The following CLYBL variants were observed in gnomAD, a reference collection of about 807,000 sequenced individuals.
CLYBL encodes the protein citramalyl-CoA lyase, mitochondrial.
A neutral mutation model predicts 38.9 loss-of-function variants in CLYBL; 31 were observed. The observed-to-expected ratio is 0.80, with a 90% confidence interval of 0.60 to 1.08. The LOEUF (loss-of-function observed/expected upper bound fraction) is 1.08. Ranked by LOEUF, CLYBL falls within the 50% of genes least tolerant of loss-of-function variation. The pLI is 0.00. For missense variants in CLYBL, 434 were observed against 411.6 expected, an observed-to-expected ratio of 1.05 and a Z score of -0.47; for synonymous variants, 171 against 158.6, an observed-to-expected ratio of 1.08 and a Z score of -0.59.
chr13:99,799,377 T>TCACACACACACACACACACACACA (rs142411916), intron 2 of CLYBL, among the ~76,000 whole-genome samples: 4 of 150,292 alleles, frequency 2.7e-5, no homozygotes, highest in African/African-American at 7.4e-5. Flanking sequence ...ATACACACAT[T>TCACACACACACACACACACACACA]CACACACACA....
At chr13:99,736,404 GT>G (rs1323720973) in intron 1 of CLYBL, among the ~76,000 whole-genome samples, 5 of 147,432 alleles carry the variant, frequency 3.4e-5, no homozygotes, top group African/African-American at 5.0e-5. Context: ...AAAAGATGAG[GT>G]TTTTTTTTTG....
intron 1 of CLYBL, among the ~76,000 whole-genome samples, chr13:99,652,379 G>A (rs1188971661): frequency 6.6e-6 from 1 of 152,124 alleles, no homozygotes; most frequent in East Asian, 1.9e-4. Flanking sequence ...GGTGTGATTT[G>A]CCAAGTGTTC....
At chr13:99,653,008 G>A (rs1296672188) in intron 1 of CLYBL, among the ~76,000 whole-genome samples, 1 of 152,200 alleles carries the variant, frequency 6.6e-6, no homozygotes, top group Non-Finnish European at 1.5e-5. Flanking sequence ...CGACAAGTGG[G>A]CTTTGCACGT....
intron 2 of CLYBL, among the ~76,000 whole-genome samples, chr13:99,852,903 G>T: frequency 6.6e-6 from 1 of 152,148 alleles, no homozygotes. Context: ...GATTTGCTTT[G>T]TATTAATATA....
intron 2 of CLYBL, among the ~76,000 whole-genome samples, chr13:99,781,738 A>G (rs1217520728): frequency 1.3e-5 from 2 of 152,188 alleles, no homozygotes; most frequent in African/African-American, 2.4e-5. Context: ...TCGGCCTCCC[A>G]AAGTTCGAGG....
downstream of CLYBL, among the ~76,000 whole-genome samples, chr13:99,898,389 G>A (rs2052606611): frequency 2.0e-5 from 3 of 152,314 alleles, no homozygotes; most frequent in Middle Eastern, 3.4e-3. Flanking sequence ...TGAGTTCTGT[G>A]AAAGGAAGAA....
intron 1 of CLYBL, among the ~76,000 whole-genome samples, chr13:99,616,195 C>G (rs556687001): frequency 7.3e-6 from 1 of 137,022 alleles, no homozygotes; most frequent in South Asian, 2.4e-4. Context: ...GTTGCCCAGA[C>G]TGGACTGCAG....
At chr13:99,657,894 A>T (rs557224584) in intron 1 of CLYBL, among the ~76,000 whole-genome samples, 1 of 152,218 alleles carries the variant, frequency 6.6e-6, no homozygotes, top group African/African-American at 2.4e-5. Flanking sequence ...TTTTCCCAGG[A>T]ACAGAAGCCA....
chr13:99,734,670 T>G (rs1301012184), intron 1 of CLYBL, among the ~76,000 whole-genome samples: 3 of 152,182 alleles, frequency 2.0e-5, no homozygotes, highest in Admixed American at 2.0e-4. Flanking sequence ...TGTCCATGGC[T>G]ACACCCATAG....
intron 3 of CLYBL, among the ~76,000 whole-genome samples, chr13:99,860,013 A>C (rs1230672657): frequency 2.0e-5 from 3 of 152,126 alleles, no homozygotes; most frequent in Non-Finnish European, 4.4e-5. Flanking sequence ...TGTAACACCT[A>C]CGAAACTGCT....
At chr13:99,686,357 C>T (rs1345039871) in intron 1 of CLYBL, among the ~76,000 whole-genome samples, 1 of 152,252 alleles carries the variant, frequency 6.6e-6, no homozygotes, top group Non-Finnish European at 1.5e-5. Flanking sequence ...CCAGCACCAC[C>T]TCCCCTCTGA....
intron 1 of CLYBL, among the ~76,000 whole-genome samples, chr13:99,641,353 A>C (rs997357948): frequency 6.6e-6 from 1 of 152,220 alleles, no homozygotes; most frequent in Non-Finnish European, 1.5e-5. Context: ...ATTATACCAA[A>C]AAAATCACTT....
Position 99,865,159 on chromosome 13 carries a change from G to C in CLYBL, c.634+248G>C. The stretch of plus-strand genomic sequence containing the variant: ...TTATAAAAGACACGAGCAATAGAAA[G>C]CCTGTTGCAGCCCCAGGCATGCTCA... On this transcript the variant is annotated intron_variant, in intron 5 of 8. Coordinates refer to ENST00000339105, the MANE Select transcript of CLYBL (RefSeq NM_206808.5). This position sits in a 1 kb window ranked among gnomAD's most constrained non-coding sequence, Gnocchi z 4.7. 1.1e-5 allele frequency: 5 copies of C among 464,548 alleles called. No individual in the cohort carries two copies. The highest frequency in any genetic ancestry group is 2.0e-5 in the Non-Finnish European group (5 of 244,284). The allele number at this position is 464,548 out of a possible 1,614,324, so 28.8% of individuals were successfully genotyped here.
Position 99,866,397 on chromosome 13 carries a change from G to A in CLYBL, c.792G>A (p.Met264Ile). 6.2e-7 allele frequency: 1 copy of A among 1,611,604 alleles called. No individual in the cohort carries two copies. Among genetic ancestry groups the A allele is most frequent in the Non-Finnish European group, 8.5e-7 (1 of 1,179,460 alleles). ...GACAGTCACGAGAAGGAGCCGCCATGGGCTTCACTGGTATGATTCCTGTCT... is the reference window on the plus strand; with the variant it reads ...GACAGTCACGAGAAGGAGCCGCCATAGGCTTCACTGGTATGATTCCTGTCT... ...LLRQSREGAA[M>I]GFTGKQVIHP... Residue 264 changes from methionine to isoleucine, a missense_variant, in exon 6 of 9, where the codon ATG (methionine) becomes ATA (isoleucine). Transcript: ENST00000339105.
At chr13:99,876,397 G>A (rs1215208572) in intron 7 of CLYBL, among the ~76,000 whole-genome samples, 1 of 143,808 alleles carries the variant, frequency 7.0e-6, no homozygotes, top group East Asian at 2.0e-4. Flanking sequence ...ATCCAGCCTG[G>A]GTGACAGAAC....
chr13:99,807,163 G>A (rs1355231362), intron 2 of CLYBL, among the ~76,000 whole-genome samples: 1 of 152,214 alleles, frequency 6.6e-6, no homozygotes, highest in Non-Finnish European at 1.5e-5. Context: ...TCCTGCTGCA[G>A]CTGCAAACCA....
At chr13:99,610,995 A>G (rs1014203460) in intron 1 of CLYBL, among the ~76,000 whole-genome samples, 4 of 152,244 alleles carry the variant, frequency 2.6e-5, no homozygotes, top group African/African-American at 4.8e-5. Flanking sequence ...GGGTCTTCCA[A>G]GGAACCACAA....
intron 8 of CLYBL, chr13:99,892,016 A>C (rs1485034091): frequency 1.3e-5 from 2 of 152,252 alleles, no homozygotes; most frequent in Non-Finnish European, 2.9e-5. Context: ...AAAACGAAAC[A>C]TCCATCTCCT....
In CLYBL at chr13:99,663,445, C is replaced by T. The variant is rs137983361; in HGVS notation, c.62+56688C>T. Among the ~76,000 whole-genome samples, 486 of 152,312 alleles carry T rather than the reference C, an allele frequency of 3.2e-3. 1 individual carries two copies. The highest frequency in any genetic ancestry group is 6.4e-3 in the South Asian group (31 of 4,832). On this transcript the variant is annotated intron_variant, in intron 1 of 8. Coordinates refer to ENST00000339105, the MANE Select transcript of CLYBL (RefSeq NM_206808.5). Reference sequence around the variant, plus strand: ...ATTGCTGCCCATCCCCATCCCATGTCTAGTGTGCCCTCACATTCCACTGCT... The same window carrying T: ...ATTGCTGCCCATCCCCATCCCATGTTTAGTGTGCCCTCACATTCCACTGCT...
Sources: allele counts gnomAD v4.1 joint callset (sites outside exome capture counted in the v4.1 genomes callset), GRCh38; gene constraint gnomAD v4.1.1; non-coding constraint Gnocchi (gnomAD v3.1); transcripts MANE v1.5; gene names NCBI Gene and HGNC (gene_info 2026-07-23, HGNC 2026-07-21).